Variants in LCA5L observed in about 807,000 individuals in gnomAD.
LCA5L encodes the protein lebercilin LCA5 like, also known as lebercilin-like protein.
Under a neutral mutation model 45.4 loss-of-function variants are expected in LCA5L, and 35 were observed. That is an observed-to-expected ratio of 0.77 (90% CI 0.59 to 1.02). The LOEUF is 1.02. Among genes scored for constraint, LCA5L ranks in the 50% least tolerant of loss-of-function variants. LCA5L has a pLI of 0.00. For missense variants in LCA5L, 668 were observed against 761.6 expected (o/e 0.88, Z 1.45); for synonymous variants, 233 against 264.7 (o/e 0.88, Z 1.16).
In LCA5L at chr21:39,406,003, G is replaced by A. The variant is rs144695121; in HGVS notation, c.1892C>T (p.Ser631Leu). The A allele has an allele frequency of 6.8e-5, 109 of 1,614,156 alleles. No individual in the cohort carries two copies. The East Asian group carries it at 1.2e-3, about 18-fold the overall frequency. The change falls in exon 11 of 11, where the codon TCG (serine) becomes TTG (leucine). Residue 631 changes from serine to leucine, a missense_variant. Physicochemically the swap from Ser to Leu is moderately radical, Grantham distance 145. Transcript: ENST00000288350. ...GGCCTGACTGGGAGGCAGGGGATGC[G>A]ACTCCTTACTTTGCAAAGGCTCCTC... is the stretch of plus-strand genomic sequence containing the variant. The part of the protein sequence containing the change: ...GSEEPLQSKE[S>L]HPLPPSQAST...
chr21:39,411,854 C>G, intron 7 of LCA5L, 52 bp from the exon 8 acceptor site: 1 of 1,029,636 alleles, frequency 9.7e-7, no homozygotes, highest in Non-Finnish European at 1.5e-6. Context: ...TTTTGTCAAC[C>G]CTGATTTCTT....
chr21:39,420,588 G>A, intron 7 of LCA5L, 118 bp downstream of exon 7: 1 of 678,310 alleles, frequency 1.5e-6, no homozygotes, highest in Non-Finnish European at 2.3e-6. Context: ...ACAAAGGGTA[G>A]AGGAGCCTTA....
chr21:39,441,578 T>C (rs2076865686), intron 2 of LCA5L, among the ~76,000 whole-genome samples: 1 of 152,234 alleles, frequency 6.6e-6, no homozygotes, highest in African/African-American at 2.4e-5. Context: ...AGACTAGCTA[T>C]GCTATGTAGG....
intron 4 of LCA5L, 126 bp downstream of exon 4, chr21:39,429,005 A>C (rs2075353288): frequency 6.6e-6 from 1 of 152,132 alleles, no homozygotes; most frequent in African/African-American, 2.4e-5. Context: ...AAATACAAGA[A>C]AGACCCCAAA....
At chr21:39,412,548 GAAGT>G (rs1458462363) in intron 7 of LCA5L, among the ~76,000 whole-genome samples, 1 of 151,990 alleles carries the variant, frequency 6.6e-6, no homozygotes, top group African/African-American at 2.4e-5. Context: ...GGGCATATAT[GAAGT>G]AAGGAGGAAG....
At chr21:39,430,051 AAAAG>A (rs2075518017) in intron 3 of LCA5L, among the ~76,000 whole-genome samples, 1 of 152,034 alleles carries the variant, frequency 6.6e-6, no homozygotes, top group African/African-American at 2.4e-5. Context: ...AACAAAAACA[AAAAG>A]AAGAATCCCA....
chr21:39,427,123 G>A (rs777691133), intron 5 of LCA5L, among the ~76,000 whole-genome samples: 2 of 152,202 alleles, frequency 1.3e-5, no homozygotes, highest in African/African-American at 2.4e-5. Context: ...TGGACATGGC[G>A]GTGGCAGATG....
At chr21:39,419,380 C>G (rs905570013) in intron 7 of LCA5L, among the ~76,000 whole-genome samples, 1 of 151,968 alleles carries the variant, frequency 6.6e-6, no homozygotes, top group Admixed American at 6.6e-5. Context: ...TAAAAATTAG[C>G]TGGGTATGGT....
intron 3 of LCA5L, among the ~76,000 whole-genome samples, chr21:39,430,889 T>C (rs1331819212): frequency 6.6e-6 from 1 of 152,218 alleles, no homozygotes; most frequent in African/African-American, 2.4e-5. Flanking sequence ...CTCTCCTGAC[T>C]TTGTCCTTTT....
chr21:39,410,231 A>T (rs562331010), intron 9 of LCA5L, 33 bp downstream of exon 9: 7 of 1,363,832 alleles, frequency 5.1e-6, no homozygotes, highest in Non-Finnish European at 7.3e-6. Context: ...GACATGTTTA[A>T]TCAGACACTG....
chr21:39,405,857 G>C lies in LCA5L; in HGVS notation c.*25C>G. 6.7e-7 allele frequency: 1 copy of C among 1,484,152 alleles called. No individual in the cohort carries two copies. Among genetic ancestry groups the C allele is most frequent in the South Asian group, 1.3e-5 (1 of 78,932 alleles). The allele number at this position is 1,484,152 out of a possible 1,614,324, so 91.9% of individuals were successfully genotyped here. On this transcript the variant is annotated 3_prime_UTR_variant, in exon 11 of 11. Coordinates refer to ENST00000288350, the MANE Select transcript of LCA5L (RefSeq NM_152505.4). ...ACATAAGCAGCATTATATCAAACCA[G>C]AATGCATTAGGATATTGATTATATT...
intron 7 of LCA5L, among the ~76,000 whole-genome samples, chr21:39,412,100 T>C (rs1159125942): frequency 6.6e-6 from 1 of 152,228 alleles, no homozygotes; most frequent in East Asian, 1.9e-4. Context: ...TATTCTTCTG[T>C]ACTGTGCATT....
intron 5 of LCA5L, among the ~76,000 whole-genome samples, chr21:39,426,770 C>T (rs1024018249): frequency 6.6e-6 from 1 of 152,168 alleles, no homozygotes; most frequent in Non-Finnish European, 1.5e-5. Context: ...TAGGATCTAA[C>T]CATGATGTTC....
chr21:39,433,136 G>A (rs891545487), intron 3 of LCA5L, among the ~76,000 whole-genome samples: 4 of 152,096 alleles, frequency 2.6e-5, no homozygotes, highest in Non-Finnish European at 5.9e-5. Context: ...AATGATCCTG[G>A]CCGGGCACGG....
chr21:39,435,973 G>A (rs982509393), intron 2 of LCA5L: 3 of 152,194 alleles, frequency 2.0e-5, no homozygotes, highest in Non-Finnish European at 4.4e-5. Flanking sequence ...TGAATCACCT[G>A]TTGGCAGTTG....
chr21:39,423,014 T>A lies in LCA5L; in HGVS notation c.799A>T (p.Ile267Phe), dbSNP rs780930244. Residue 267 changes from isoleucine (I) to phenylalanine (F), a missense_variant, in exon 6 of 11, where the codon ATC becomes TTC. Physicochemically the swap from Ile to Phe is conservative, Grantham distance 21 (BLOSUM62 0). Transcript: ENST00000288350. The part of the protein sequence containing the change: ...REELTHKLSI[I>F]TTKMDANDKK... ...TCATTTGCGTCCATTTTTGTTGTGA[T>A]AATAGATAATTTATGAGTGAGTTCT... is the stretch of plus-strand genomic sequence containing the variant. 3.1e-6 allele frequency: 5 copies of A among 1,614,098 alleles called. No individual in the cohort carries two copies. The highest frequency in any genetic ancestry group is 2.2e-5 in the East Asian group (1 of 44,880).
intron 2 of LCA5L, chr21:39,439,605 G>A (rs2076614346): frequency 6.6e-6 from 1 of 152,200 alleles, no homozygotes; most frequent in Non-Finnish European, 1.5e-5. Context: ...ACCTTGCCTT[G>A]GACTATATCT....
At chr21:39,427,126 G>A (rs546070636) in intron 5 of LCA5L, among the ~76,000 whole-genome samples, 1 of 152,186 alleles carries the variant, frequency 6.6e-6, no homozygotes, top group Non-Finnish European at 1.5e-5. Context: ...ACATGGCGGT[G>A]GCAGATGCAC....
chr21:39,410,242 CA>C (rs2039854596), intron 9 of LCA5L, 21 bp downstream of exon 9: 2 of 1,467,586 alleles, frequency 1.4e-6, no homozygotes, highest in Admixed American at 3.5e-5. Context: ...TCAGACACTG[CA>C]AGATTCCAAA....
Sources: gnomAD v4.1 joint callset for allele counts (sites outside exome capture counted in the v4.1 genomes callset) on GRCh38, gnomAD v4.1.1 for gene constraint, MANE v1.5 for transcripts, NCBI Gene and HGNC (gene_info 2026-07-23, HGNC 2026-07-21) for gene names.